Variants in RAD50 observed in about 807,000 individuals in gnomAD.
RAD50 encodes DNA repair protein RAD50.
Under a neutral mutation model 168.8 loss-of-function variants are expected in RAD50, and 132 were observed. That is an observed-to-expected ratio of 0.78 (90% confidence interval 0.68 to 0.90). The LOEUF (loss-of-function observed/expected upper bound fraction) is 0.90, where lower values mean the gene tolerates loss of function less well. Ranked by LOEUF, RAD50 falls within the 40% of genes least tolerant of loss-of-function variation. RAD50 has a pLI of 0.00. For synonymous variants in RAD50, 525 were observed against 497.4 expected (o/e 1.06, Z -0.74); for missense variants, 1,347 against 1,534.4 (o/e 0.88, Z 2.04).
chr5:132,567,643 C>G (rs1050059981), intron 2 of RAD50, among the ~76,000 whole-genome samples: 2 of 152,084 alleles, frequency 1.3e-5, no homozygotes, highest in African/African-American at 4.8e-5. Context: ...TTAATGAGGG[C>G]TAGTAGAGAA....
chr5:132,568,335 G>A (rs532573958), intron 2 of RAD50, among the ~76,000 whole-genome samples: 1 of 151,684 alleles, frequency 6.6e-6, no homozygotes, highest in African/African-American at 2.4e-5. Context: ...CGCCTGCCTC[G>A]GCCTCCCAAA....
intron 19 of RAD50, among the ~76,000 whole-genome samples, chr5:132,612,736 G>A: frequency 6.6e-6 from 1 of 152,028 alleles, no homozygotes; most frequent in Admixed American, 6.6e-5. Flanking sequence ...GCTGAGGTGG[G>A]AGGATTGCTT....
intron 19 of RAD50, among the ~76,000 whole-genome samples, chr5:132,612,015 G>GTA (rs1751097171): frequency 6.6e-6 from 1 of 152,094 alleles, no homozygotes; most frequent in South Asian, 2.1e-4. Context: ...CCACTTCTAG[G>GTA]TATAGAACTA....
Position 132,595,683 on chromosome 5 carries a change from T to G in RAD50, c.2080T>G (p.Leu694Val), listed in dbSNP as rs758261988. 6.2e-7 allele frequency: 1 copy of G among 1,613,836 alleles called. No individual in the cohort carries two copies. Among genetic ancestry groups the G allele is most frequent in the Admixed American group, 1.7e-5 (1 of 60,002 alleles). The change falls in exon 13 of 25, where the codon TTA (leucine) becomes GTA (valine). Residue 694 changes from leucine (L) to valine (V), a missense_variant. Leu to Val is a conservative substitution (Grantham distance 32). Transcript: ENST00000378823. ...CQRVFQTEAE[L>V]QEVISDLQSK... ...GAGAGTTTTTCAGACAGAGGCTGAGTTACAAGAAGTCATCAGTGATTTGCA... is the reference window on the plus strand; with the variant it reads ...GAGAGTTTTTCAGACAGAGGCTGAGGTACAAGAAGTCATCAGTGATTTGCA...
At chr5:132,620,755 C>A (rs1751271425) in intron 21 of RAD50, among the ~76,000 whole-genome samples, 1 of 152,154 alleles carries the variant, frequency 6.6e-6, no homozygotes, top group South Asian at 2.1e-4. Context: ...TACTAATAGC[C>A]TACTGTTGAC....
chr5:132,603,612 G>A, intron 14 of RAD50, 123 bp downstream of exon 14: 1 of 1,110,160 alleles, frequency 9.0e-7, no homozygotes, highest in Non-Finnish European at 1.3e-6. Flanking sequence ...TCCCCATCCT[G>A]AATTTCAGAT....
At chr5:132,592,133 T>A (rs1750713204) in intron 11 of RAD50, 99 bp downstream of exon 11, 2 of 1,320,038 alleles carry the variant, frequency 1.5e-6, no homozygotes, top group Non-Finnish European at 1.1e-6. Context: ...TGGTATGTTA[T>A]ATTGATAAAC....
chr5:132,610,871 G>C (rs1751071963), intron 19 of RAD50, among the ~76,000 whole-genome samples: 2 of 152,024 alleles, frequency 1.3e-5, no homozygotes, highest in African/African-American at 4.8e-5. Context: ...TTAAAGTGAT[G>C]GTCTAAACTT....
chr5:132,626,548 T>C (rs950847716), intron 21 of RAD50, among the ~76,000 whole-genome samples: 17 of 152,234 alleles, frequency 1.1e-4, no homozygotes, highest in African/African-American at 3.9e-4. Context: ...TCCTTTGTCA[T>C]GTTCCATTCT....
intron 21 of RAD50, among the ~76,000 whole-genome samples, chr5:132,625,425 A>G (rs910037929): frequency 3.7e-4 from 57 of 152,130 alleles, no homozygotes; most frequent in Non-Finnish European, 8.8e-5. Flanking sequence ...CTTATTTTTT[A>G]TGGCTATATA....
chr5:132,607,011 T>C (rs750667813), intron 16 of RAD50, among the ~76,000 whole-genome samples: 32 of 152,224 alleles, frequency 2.1e-4, no homozygotes, highest in Non-Finnish European at 4.1e-4. Context: ...ACAGCCAATA[T>C]CATACTGAAT....
chr5:132,611,705 TAAAAAAAAAAAAA>T (rs34112186), intron 19 of RAD50, among the ~76,000 whole-genome samples: 2 of 102,980 alleles, frequency 1.9e-5, no homozygotes, highest in African/African-American at 3.6e-5. Flanking sequence ...GACTCCGTCT[TAAAAAAAAAAAAA>T]AAAAAAAAAA....
At chr5:132,592,327 C>G (rs779365153) in intron 11 of RAD50, among the ~76,000 whole-genome samples, 1 of 152,298 alleles carries the variant, frequency 6.6e-6, no homozygotes, top group Non-Finnish European at 1.5e-5. Context: ...TTAACCATGT[C>G]AGTGTAGTCT....
intron 23 of RAD50, among the ~76,000 whole-genome samples, chr5:132,639,080 G>A (rs1390627723): frequency 6.6e-6 from 1 of 150,392 alleles, no homozygotes; most frequent in Non-Finnish European, 1.5e-5. Context: ...CATGCAGCTG[G>A]GCATGGTGTC....
chr5:132,605,216 T>C (rs755862641), intron 16 of RAD50, among the ~76,000 whole-genome samples: 1 of 152,052 alleles, frequency 6.6e-6, no homozygotes, highest in Non-Finnish European at 1.5e-5. Context: ...GGCTAATTTT[T>C]GTTCTTTTAG....
intron 21 of RAD50, among the ~76,000 whole-genome samples, chr5:132,620,955 G>A (rs1751274085): frequency 6.6e-6 from 1 of 152,034 alleles, no homozygotes; most frequent in East Asian, 1.9e-4. Context: ...ACATTGAAGA[G>A]GAGGAGGAAG....
rs1751762115 is a variant in RAD50, at chr5:132,642,878, T to C, written c.*514T>C. On this transcript the variant is annotated 3_prime_UTR_variant, in exon 25 of 25. Transcript: ENST00000378823. ...AACTTTATAAATCCAGTGACCTCTCTCTCTGGGACTTGGTTTCCCCAACTA... is the reference window on the plus strand; with the variant it reads ...AACTTTATAAATCCAGTGACCTCTCCCTCTGGGACTTGGTTTCCCCAACTA... 2.6e-6 allele frequency: 1 copy of C among 389,856 alleles called. No individual in the cohort carries two copies. The highest frequency in any genetic ancestry group is 2.4e-5 in the South Asian group (1 of 41,794). The allele number at this position is 389,856 out of a possible 1,614,324, so 24.1% of individuals were successfully genotyped here.
At chr5:132,570,165 G>A (rs899173649) in intron 2 of RAD50, among the ~76,000 whole-genome samples, 1 of 152,170 alleles carries the variant, frequency 6.6e-6, no homozygotes, top group East Asian at 1.9e-4. Context: ...AATCCGTTAG[G>A]TGTGGCTGAG....
At chr5:132,582,684 CT>C (rs959017843) in intron 5 of RAD50, among the ~76,000 whole-genome samples, 2 of 151,872 alleles carry the variant, frequency 1.3e-5, no homozygotes, top group African/African-American at 2.4e-5. Flanking sequence ...ATGTTTCTAA[CT>C]TTTTTTTTCT....
Sources: gnomAD v4.1 joint callset for allele counts (sites outside exome capture counted in the v4.1 genomes callset) on GRCh38, gnomAD v4.1.1 for gene constraint, MANE v1.5 for transcripts, NCBI Gene and HGNC (gene_info 2026-07-23, HGNC 2026-07-21) for gene names.